Variants in C1orf185 observed in about 807,000 individuals in gnomAD.
C1orf185 encodes the protein chromosome 1 open reading frame 185.
In C1orf185, 13 loss-of-function variants were observed where a neutral mutation model predicts 16.1. That is an observed-to-expected ratio of 0.81 (90% CI 0.53 to 1.28). C1orf185 has a LOEUF of 1.28. Among genes scored for constraint, C1orf185 ranks in the 50% most tolerant of loss-of-function variants. The pLI, the probability that C1orf185 is intolerant of heterozygous loss-of-function variation, is 0.00. For missense variants in C1orf185, 220 were observed against 225.2 expected (o/e 0.98, Z 0.15); for synonymous variants, 80 against 76.9 (o/e 1.04, Z -0.21).
At chr1:51,139,714 A>G (rs577644229) in intron 3 of C1orf185, among the ~76,000 whole-genome samples, 12 of 152,230 alleles carry the variant, frequency 7.9e-5, no homozygotes, top group African/African-American at 2.4e-4. Flanking sequence ...TCATTCTTTC[A>G]TTTTTTAAAA....
intron 3 of C1orf185, among the ~76,000 whole-genome samples, chr1:51,132,895 G>T (rs1281274389): frequency 6.6e-6 from 1 of 152,140 alleles, no homozygotes; most frequent in East Asian, 1.9e-4. Flanking sequence ...GAAGAGATTG[G>T]GGGCCAATAT....
intron 1 of C1orf185, among the ~76,000 whole-genome samples, chr1:51,111,663 G>A (rs1469867736): frequency 6.6e-6 from 1 of 152,080 alleles, no homozygotes; most frequent in East Asian, 1.9e-4. Flanking sequence ...GGGACTACAG[G>A]CATGTACCAC....
At chr1:51,102,473 T>C in intron 1 of C1orf185, 1 of 329,240 alleles carries the variant, frequency 3.0e-6, no homozygotes, top group Non-Finnish European at 5.6e-6. Flanking sequence ...ACTGTTCATA[T>C]ATGTTTTCTA....
At chr1:51,103,389 G>T (rs1646046059) in intron 1 of C1orf185, among the ~76,000 whole-genome samples, 1 of 141,242 alleles carries the variant, frequency 7.1e-6, no homozygotes, top group African/African-American at 2.6e-5. Context: ...CTGGGCAACA[G>T]AGTGAGATCT....
At chr1:51,102,344 G>A (rs1646037975) in intron 1 of C1orf185, 95 bp downstream of exon 1, 1 of 679,942 alleles carries the variant, frequency 1.5e-6, no homozygotes, top group South Asian at 1.6e-5. Flanking sequence ...TCTATTCTCT[G>A]GAAGAGCTTG....
intron 1 of C1orf185, among the ~76,000 whole-genome samples, chr1:51,106,110 G>T (rs886341455): frequency 3.9e-4 from 59 of 152,228 alleles, no homozygotes; most frequent in African/African-American, 1.3e-3. Context: ...TCTCAGAGGT[G>T]AAAGCTAAGT....
chr1:51,113,117 C>G (rs541397014), intron 2 of C1orf185, among the ~76,000 whole-genome samples: 1 of 151,892 alleles, frequency 6.6e-6, no homozygotes, highest in South Asian at 2.1e-4. Flanking sequence ...CCACACCCGG[C>G]CTTTATTTTC....
At chr1:51,135,926 A>T (rs1419029834) in intron 3 of C1orf185, among the ~76,000 whole-genome samples, 2 of 152,204 alleles carry the variant, frequency 1.3e-5, no homozygotes, top group Admixed American at 6.5e-5. Context: ...TCAGCCCAAA[A>T]GCTCCTTAAG....
At chr1:51,145,832 A>ATGT in intron 4 of C1orf185, 72 bp downstream of exon 4, 3 of 782,242 alleles carry the variant, frequency 3.8e-6, no homozygotes, top group Non-Finnish European at 5.6e-6. Flanking sequence ...AGAAATCAAG[A>ATGT]GGCTATCCTA....
chr1:51,112,591 C>T, intron 2 of C1orf185, 22 bp downstream of exon 2: 1 of 1,492,814 alleles, frequency 6.7e-7, no homozygotes, highest in Non-Finnish European at 9.0e-7. Flanking sequence ...TCGAATATTT[C>T]TTTAACCTTT....
At chr1:51,111,501 T>A (rs1440534800) in intron 1 of C1orf185, among the ~76,000 whole-genome samples, 1 of 151,594 alleles carries the variant, frequency 6.6e-6, no homozygotes, top group Non-Finnish European at 1.5e-5. Flanking sequence ...GCCTCCTGAG[T>A]AGCTGGGACT....
chr1:51,121,905 C>A (rs1346838610), intron 3 of C1orf185, among the ~76,000 whole-genome samples: 1 of 152,154 alleles, frequency 6.6e-6, no homozygotes, highest in Non-Finnish European at 1.5e-5. Flanking sequence ...ACACCTCCAA[C>A]TCCCACCCTC....
intron 3 of C1orf185, among the ~76,000 whole-genome samples, chr1:51,127,300 TTG>T (rs1646248542): frequency 6.6e-6 from 1 of 152,230 alleles, no homozygotes; most frequent in African/African-American, 2.4e-5. Context: ...ATTTTTTTTT[TTG>T]TGTGAGATGG....
At chr1:51,142,463 A>C (rs1426717604) in intron 3 of C1orf185, among the ~76,000 whole-genome samples, 1 of 152,192 alleles carries the variant, frequency 6.6e-6, no homozygotes, top group Non-Finnish European at 1.5e-5. Context: ...TTTCAATTGC[A>C]TATAGAATTG....
At chr1:51,121,567 T>C (rs954285166) in intron 3 of C1orf185, among the ~76,000 whole-genome samples, 1 of 152,178 alleles carries the variant, frequency 6.6e-6, no homozygotes, top group Admixed American at 6.5e-5. Context: ...CCTCAGCCAA[T>C]TTCAGTACAA....
chr1:51,139,010 A>G (rs1371867779), intron 3 of C1orf185, among the ~76,000 whole-genome samples: 2 of 152,024 alleles, frequency 1.3e-5, no homozygotes, highest in African/African-American at 4.8e-5. Flanking sequence ...TCTTTTACAT[A>G]TGGATGATTT....
intron 3 of C1orf185, among the ~76,000 whole-genome samples, chr1:51,126,714 A>G (rs1266755595): frequency 6.6e-6 from 1 of 152,238 alleles, no homozygotes; most frequent in Non-Finnish European, 1.5e-5. Context: ...CTAAAATCTT[A>G]AGTTACCATA....
intron 1 of C1orf185, among the ~76,000 whole-genome samples, chr1:51,105,485 C>T (rs1404581982): frequency 6.6e-6 from 1 of 152,082 alleles, no homozygotes; most frequent in Non-Finnish European, 1.5e-5. Flanking sequence ...AAGCAGCATA[C>T]TTCTTGAGGG....
Position 51,139,723 on chromosome 1 carries a change from A to T in C1orf185, c.259-6001A>T, listed in dbSNP as rs978827277. ...AGATTTTCATTCTTTCATTTTTTAA[A>T]ACTTGTACGAACCATTATCATCGTT... On this transcript the variant is annotated intron_variant, in intron 3 of 4. Coordinates refer to ENST00000371759, the MANE Select transcript of C1orf185 (RefSeq NM_001136508.2). 1.2e-4 allele frequency among the ~76,000 whole-genome samples: 18 copies of T among 152,170 alleles called. 1 individual carries two copies. Among genetic ancestry groups the T allele is most frequent in the African/African-American group, 3.9e-4 (16 of 41,446 alleles).
Sources: allele counts gnomAD v4.1 joint callset (sites outside exome capture counted in the v4.1 genomes callset), GRCh38; gene constraint gnomAD v4.1.1; transcripts MANE v1.5; gene names NCBI Gene and HGNC (gene_info 2026-07-23, HGNC 2026-07-21).